The following SLC12A1 variants were observed in gnomAD, a reference collection of about 807,000 sequenced individuals.
SLC12A1 encodes Na-K-2Cl cotransporter.
In SLC12A1, 89 loss-of-function variants were observed where a neutral mutation model predicts 130.4. The ratio of observed to expected loss-of-function variants is 0.68; its 90% confidence interval spans 0.58 to 0.81. The LOEUF is 0.81. Among genes scored for constraint, SLC12A1 ranks in the 40% least tolerant of loss-of-function variants. The probability of loss-of-function intolerance (pLI) is 0.00; values close to 1 mark genes in which losing one functional copy is unlikely to be tolerated. For synonymous variants in SLC12A1, 499 were observed against 460.0 expected (o/e 1.08, Z -1.09); for missense variants, 1,310 against 1,336.4 (o/e 0.98, Z 0.31).
chr15:48,260,857 T>C (rs1352492326), intron 17 of SLC12A1, among the ~76,000 whole-genome samples: 3 of 152,220 alleles, frequency 2.0e-5, no homozygotes, highest in African/African-American at 7.2e-5. Context: ...TTCTTTACAC[T>C]TGGCAATATT....
intron 15 of SLC12A1, among the ~76,000 whole-genome samples, chr15:48,254,903 G>T (rs991148146): frequency 3.3e-5 from 5 of 151,204 alleles, no homozygotes; most frequent in African/African-American, 1.2e-4. Context: ...CAGCCTGGGC[G>T]ACAGAGCCAG....
chr15:48,256,213 C>T (rs563448365), intron 16 of SLC12A1, among the ~76,000 whole-genome samples: 23 of 152,340 alleles, frequency 1.5e-4, no homozygotes, highest in Non-Finnish European at 2.9e-4. Context: ...TAAATCCCCA[C>T]ACACATTACT....
chr15:48,227,357 A>G (rs1449225238), intron 5 of SLC12A1: 8 of 607,824 alleles, frequency 1.3e-5, no homozygotes, highest in Admixed American at 2.7e-5. Context: ...CTTCATTGAC[A>G]TGACCCATTT....
chr15:48,290,365 C>CT (rs1232690647), intron 23 of SLC12A1, among the ~76,000 whole-genome samples: 16 of 152,080 alleles, frequency 1.1e-4, no homozygotes, highest in African/African-American at 3.6e-4. Context: ...TCACAGTTCA[C>CT]TTTTTTTAAT....
At chr15:48,229,129 T>C in intron 5 of SLC12A1, 60 bp from the exon 6 acceptor site, 2 of 1,504,288 alleles carry the variant, frequency 1.3e-6, no homozygotes, top group Non-Finnish European at 1.8e-6. Flanking sequence ...ATAGTCACAA[T>C]CGTTTGGTTA....
intron 17 of SLC12A1, among the ~76,000 whole-genome samples, chr15:48,259,557 G>C (rs772837228): frequency 1.3e-5 from 2 of 152,174 alleles, no homozygotes; most frequent in Admixed American, 6.6e-5. Flanking sequence ...ATTTCCAAAT[G>C]ATGGCCTTTG....
intron 8 of SLC12A1, among the ~76,000 whole-genome samples, chr15:48,234,302 G>A (rs1249872308): frequency 6.6e-6 from 1 of 152,110 alleles, no homozygotes; most frequent in East Asian, 1.9e-4. Context: ...AAGTCAGGCA[G>A]CCTGGATCTC....
At chr15:48,206,653 T>C (rs1407805254) in intron 1 of SLC12A1, among the ~76,000 whole-genome samples, 1 of 152,194 alleles carries the variant, frequency 6.6e-6, no homozygotes, top group African/African-American at 2.4e-5. Context: ...AAAGCAAGTG[T>C]TTTAAGACAG....
At chr15:48,256,752 A>T (rs2041711504) in intron 16 of SLC12A1, among the ~76,000 whole-genome samples, 1 of 151,010 alleles carries the variant, frequency 6.6e-6, no homozygotes, top group African/African-American at 2.4e-5. Flanking sequence ...ACACATGGGG[A>T]TTATGGGAAC....
At chr15:48,233,762 T>C (rs1189685602) in intron 8 of SLC12A1, among the ~76,000 whole-genome samples, 1 of 152,208 alleles carries the variant, frequency 6.6e-6, no homozygotes, top group Non-Finnish European at 1.5e-5. Context: ...TCTGGTTTGC[T>C]TTGCATGTTA....
At position 48,241,544 on chromosome 15, in the gene SLC12A1, C is replaced by A. The variant is rs188022180; in HGVS notation, c.1245C>A (p.Thr415=). 3.1e-6 allele frequency: 5 copies of A among 1,613,806 alleles called. No homozygotes were observed. The highest frequency in any genetic ancestry group is 4.2e-6 in the Non-Finnish European group (5 of 1,179,768). Residue 415 remains threonine, a synonymous_variant, in exon 10 of 27, where the codon ACC becomes ACA. Coordinates refer to ENST00000380993, the MANE Select transcript of SLC12A1 (RefSeq NM_000338.3). ...CCCAAGATGCCATCCCCAGAGGAAC[C>A]ATGCTGGCCATTTTCATCACCACTG... ...EDPQDAIPRG[T]MLAIFITTVA... is the part of the protein sequence containing the mutation.
chr15:48,283,749 T>C (rs1023353125), intron 20 of SLC12A1, among the ~76,000 whole-genome samples: 3 of 152,258 alleles, frequency 2.0e-5, no homozygotes, highest in African/African-American at 7.2e-5. Context: ...CCCAGTGTTT[T>C]GTAACACTGA....
chr15:48,226,248 G>C, intron 4 of SLC12A1: 1 of 462,724 alleles, frequency 2.2e-6, no homozygotes, highest in South Asian at 3.9e-5. Flanking sequence ...TTCCAAGTCT[G>C]CACTTTCGAT....
chr15:48,228,554 G>T (rs112696109), intron 5 of SLC12A1: 1 of 171,118 alleles, frequency 5.8e-6, no homozygotes, highest in Non-Finnish European at 1.3e-5. Context: ...AAAATTTTAC[G>T]TATGTACCTA....
At chr15:48,272,995 C>G (rs1312745586) in intron 19 of SLC12A1, among the ~76,000 whole-genome samples, 1 of 150,792 alleles carries the variant, frequency 6.6e-6, no homozygotes, top group Non-Finnish European at 1.5e-5. Flanking sequence ...GTAATTCCAG[C>G]TACTCAGCAG....
chr15:48,299,314 T>C (rs1285210834), intron 25 of SLC12A1, 39 bp downstream of exon 25: 1 of 1,511,050 alleles, frequency 6.6e-7, no homozygotes, highest in South Asian at 1.4e-5. Flanking sequence ...GCTGTCTAAC[T>C]AGCTGAGAAA....
intron 9 of SLC12A1, chr15:48,237,193 A>G (rs11852323): frequency 0.058 from 34,624 of 595,260 alleles, 1,151 homozygotes; most frequent in East Asian, 0.11. Context: ...GATGAACAGG[A>G]GTTTGCCGAC....
chr15:48,234,861 A>T lies in SLC12A1; in HGVS notation c.1088-16A>T. ...AAAATGTCTACATCATAATTTTCTT[A>T]TAATTTATGTTGCAGCATCAATATT... On this transcript the variant is annotated splice_polypyrimidine_tract_variant and intron_variant, in intron 8 of 26. Coordinates refer to ENST00000380993, the MANE Select transcript of SLC12A1 (RefSeq NM_000338.3). 2.5e-6 allele frequency: 4 copies of T among 1,612,966 alleles called. No homozygotes were observed. In the South Asian group the frequency reaches 4.4e-5, roughly 18 times the overall value.
chr15:48,235,186 G>T (rs1440691564), intron 9 of SLC12A1, 182 bp downstream of exon 9: 10 of 703,494 alleles, frequency 1.4e-5, no homozygotes, highest in Non-Finnish European at 2.5e-5. Flanking sequence ...TTATATTCCA[G>T]ATAATTCTTC....
Sources: gnomAD v4.1 joint callset for allele counts (sites outside exome capture counted in the v4.1 genomes callset) on GRCh38, gnomAD v4.1.1 for gene constraint, MANE v1.5 for transcripts, NCBI Gene and HGNC (gene_info 2026-07-23, HGNC 2026-07-21) for gene names.